Variants in NFIB observed in about 807,000 individuals in gnomAD.
The protein encoded by NFIB is nuclear factor I B.
NFIB carries 11 observed loss-of-function variants against 61.5 expected under a neutral mutation model. The ratio of observed to expected loss-of-function variants is 0.18; its 90% CI spans 0.11 to 0.30. The LOEUF (loss-of-function observed/expected upper bound fraction) is 0.30, where lower values mean the gene tolerates loss of function less well. Among genes scored for constraint, NFIB ranks in the 10% least tolerant of loss-of-function variants. The pLI is 1.00. For missense variants in NFIB, 471 were observed against 608.9 expected, an observed-to-expected ratio of 0.77 and a Z score of 2.38; for synonymous variants, 260 against 216.5, an observed-to-expected ratio of 1.20 and a Z score of -1.76.
chr9:14,442,455 G>C, the NFIB span, among the ~76,000 whole-genome samples: 2 of 152,108 alleles, frequency 1.3e-5, no homozygotes, highest in Non-Finnish European at 2.9e-5. Context: ...CGCTAGGGCC[G>C]CCATAACAAA....
chr9:14,174,076 A>T (rs761751920), intron 3 of NFIB, among the ~76,000 whole-genome samples: 27 of 152,176 alleles, frequency 1.8e-4, no homozygotes, highest in Non-Finnish European at 3.5e-4. Context: ...TTTACTCTGA[A>T]TCCTATTCTA....
chr9:14,287,929 T>C (rs890924978), intron 2 of NFIB, among the ~76,000 whole-genome samples: 1 of 152,048 alleles, frequency 6.6e-6, no homozygotes, highest in Non-Finnish European at 1.5e-5. Flanking sequence ...AAAACATACC[T>C]CATCAAACAA....
intron 1 of NFIB, among the ~76,000 whole-genome samples, chr9:14,350,858 C>G (rs1054810249): frequency 2.6e-5 from 4 of 152,116 alleles, no homozygotes; most frequent in Non-Finnish European, 5.9e-5. Flanking sequence ...GAAAATCTTC[C>G]TGCCTGCAAA....
chr9:14,307,542 G>C lies in NFIB; in HGVS notation c.31-22C>G. On this transcript the variant is annotated intron_variant, in intron 1 of 10. Transcript: ENST00000380953. This position sits in a 1 kb window ranked among gnomAD's most constrained non-coding sequence, Gnocchi z 5.3. Reference sequence around the variant, plus strand: ...CATCCTGTGGAAGACAGAGGGGTGAGGAAAAGATGTGCATAGTCAGTTTAA... The same window carrying C: ...CATCCTGTGGAAGACAGAGGGGTGACGAAAAGATGTGCATAGTCAGTTTAA... 6.4e-7 allele frequency: 1 copy of C among 1,555,352 alleles called. No homozygotes were observed. Among genetic ancestry groups the C allele is most frequent in the South Asian group, 1.2e-5 (1 of 82,640 alleles).
At chr9:14,285,500 T>C (rs369324759) in intron 2 of NFIB, among the ~76,000 whole-genome samples, 44 of 152,348 alleles carry the variant, frequency 2.9e-4, no homozygotes, top group African/African-American at 8.4e-4. Flanking sequence ...GACTATATAA[T>C]ATTTTCTTTT....
chr9:14,230,480 T>G (rs2052988889), intron 2 of NFIB, among the ~76,000 whole-genome samples: 1 of 152,228 alleles, frequency 6.6e-6, no homozygotes, highest in Non-Finnish European at 1.5e-5. Flanking sequence ...TGTTGAAGGC[T>G]TCTCCTAGAA....
At chr9:14,323,260 C>G (rs1244369490) in intron 1 of NFIB, among the ~76,000 whole-genome samples, 12 of 152,176 alleles carry the variant, frequency 7.9e-5, no homozygotes, top group Non-Finnish European at 1.6e-4. Context: ...AGAGATAATA[C>G]AACCCCGGAG....
chr9:14,146,658 TG>T, intron 6 of NFIB, 30 bp downstream of exon 6: 1 of 1,612,630 alleles, frequency 6.2e-7, no homozygotes, highest in Non-Finnish European at 8.5e-7. Flanking sequence ...ATTTTACTCA[TG>T]GTCTCTAGAG....
chr9:14,345,918 G>A (rs1433146323), intron 1 of NFIB, among the ~76,000 whole-genome samples: 1 of 152,192 alleles, frequency 6.6e-6, no homozygotes, highest in African/African-American at 2.4e-5. Flanking sequence ...GCCATTTCGA[G>A]GAGCCTAGAA....
chr9:14,415,326 G>A, the NFIB span, among the ~76,000 whole-genome samples: 1 of 152,162 alleles, frequency 6.6e-6, no homozygotes, highest in African/African-American at 2.4e-5. Flanking sequence ...AATTTCACTA[G>A]CAAGACAAAG....
rs2032888980 is a variant in NFIB at position 14,086,518 on chromosome 9, A to C, written c.*1791T>G. 4.7e-6 allele frequency: 1 copy of C among 211,610 alleles called. No individual in the cohort carries two copies. The highest frequency in any genetic ancestry group is 9.6e-6 in the Non-Finnish European group (1 of 104,028). The allele number at this position is 211,610 out of a possible 1,614,324, so 13.1% of individuals were successfully genotyped here. ...CCCCCAAATATTAATTGGAAGATGA[A>C]AAACATGAAAGGTTAATAGAAAAAA... On this transcript the variant is annotated 3_prime_UTR_variant, in exon 11 of 11. Coordinates refer to ENST00000380953, the MANE Select transcript of NFIB (RefSeq NM_001190737.2).
chr9:14,163,880 A>AT (rs2044473453), intron 3 of NFIB, among the ~76,000 whole-genome samples: 2 of 151,982 alleles, frequency 1.3e-5, no homozygotes, highest in African/African-American at 4.8e-5. Flanking sequence ...GGCAAATAAA[A>AT]GTAAATAATA....
chr9:14,249,895 G>A (rs1270216658), intron 2 of NFIB, among the ~76,000 whole-genome samples: 2 of 152,070 alleles, frequency 1.3e-5, no homozygotes, highest in African/African-American at 2.4e-5. Flanking sequence ...GAGGAATTCC[G>A]GAACAAGGCA....
chr9:14,215,202 C>G (rs763331234), intron 2 of NFIB, among the ~76,000 whole-genome samples: 2 of 142,122 alleles, frequency 1.4e-5, no homozygotes, highest in Middle Eastern at 3.4e-3. Context: ...TCTCCAAAGA[C>G]ATCAACTTTC....
intron 10 of NFIB, among the ~76,000 whole-genome samples, chr9:14,099,826 A>G (rs1164016800): frequency 1.3e-5 from 2 of 152,226 alleles, no homozygotes; most frequent in Non-Finnish European, 2.9e-5. Flanking sequence ...TAATCTCAGT[A>G]CTTTGGGAGG....
chr9:14,511,222 G>A, the NFIB span, among the ~76,000 whole-genome samples: 5 of 152,154 alleles, frequency 3.3e-5, no homozygotes, highest in African/African-American at 7.2e-5. Context: ...TTGGTTATCA[G>A]TACATATTTT....
intron 2 of NFIB, among the ~76,000 whole-genome samples, chr9:14,183,950 T>C (rs1261078121): frequency 6.6e-6 from 1 of 152,188 alleles, no homozygotes; most frequent in African/African-American, 2.4e-5. Flanking sequence ...TATTTTAAAC[T>C]CAATCAGTTC....
At chr9:14,402,241 A>G (rs761021734), upstream of NFIB, among the ~76,000 whole-genome samples, 2 of 152,178 alleles carry the variant, frequency 1.3e-5, no homozygotes, top group Non-Finnish European at 2.9e-5. Context: ...TGCCACCTCA[A>G]ACTACATTTT....
intron 9 of NFIB, among the ~76,000 whole-genome samples, chr9:14,115,729 T>A (rs1326565810): frequency 6.6e-6 from 1 of 152,212 alleles, no homozygotes; most frequent in African/African-American, 2.4e-5. Context: ...TTTTTAACAA[T>A]GACATAACCT....
Sources: allele counts gnomAD v4.1 joint callset (sites outside exome capture counted in the v4.1 genomes callset), GRCh38; gene constraint gnomAD v4.1.1; non-coding constraint Gnocchi (gnomAD v3.1); transcripts MANE v1.5; gene names NCBI Gene and HGNC (gene_info 2026-07-23, HGNC 2026-07-21).